TMEM87A: variants seen among roughly 807,000 people sequenced by gnomAD.
TMEM87A encodes Golgi-pH regulating cation channel.
Under a neutral mutation model 90.0 loss-of-function variants are expected in TMEM87A, and 50 were observed. That is an observed-to-expected ratio of 0.56 (90% CI 0.44 to 0.70). The LOEUF (loss-of-function observed/expected upper bound fraction) is 0.70. Ranked by LOEUF, TMEM87A falls within the 30% of genes least tolerant of loss-of-function variation. The probability of loss-of-function intolerance (pLI) is 0.00; values close to 1 mark genes in which losing one functional copy is unlikely to be tolerated. For synonymous variants in TMEM87A, 226 were observed against 226.7 expected, an observed-to-expected ratio of 1.00 and a Z score of 0.03; for missense variants, 577 against 660.5, an observed-to-expected ratio of 0.87 and a Z score of 1.39.
In TMEM87A at chr15:42,237,737, A is replaced by G. The variant is rs183487021; in HGVS notation, c.685-122T>C. ...GAGATGGGGATTTGCTATGTTGCCT[A>G]GGATGGTCTTGAACTTCTGGACTCA... On this transcript the variant is annotated intron_variant, in intron 8 of 19. Coordinates refer to ENST00000389834, the MANE Select transcript of TMEM87A (RefSeq NM_015497.5). The G allele has an allele frequency of 3.8e-4, 326 of 860,024 alleles. 3 individuals carry two copies. In the East Asian group the frequency reaches 9.6e-3, roughly 25 times the overall value. The allele number at this position is 860,024 out of a possible 1,614,324, so 53.3% of individuals were successfully genotyped here. A position where few individuals can be genotyped will look rare whatever the true frequency, so the allele number is the denominator to read the frequency against.
intron 19 of TMEM87A, among the ~76,000 whole-genome samples, chr15:42,214,415 G>C (rs1027351383): frequency 1.3e-5 from 2 of 152,184 alleles, no homozygotes; most frequent in African/African-American, 4.8e-5. Flanking sequence ...CTGATGAGCA[G>C]ACGCAAAAAT....
At chr15:42,236,520 T>C (rs567896092) in intron 9 of TMEM87A, 101 bp from the exon 10 acceptor site, 21 of 938,606 alleles carry the variant, frequency 2.2e-5, no homozygotes, top group African/African-American at 8.1e-5. Flanking sequence ...AGAATAAGCA[T>C]TGATATTAGT....
chr15:42,214,721 A>G (rs1351855934), intron 19 of TMEM87A, among the ~76,000 whole-genome samples: 1 of 152,258 alleles, frequency 6.6e-6, no homozygotes, highest in Non-Finnish European at 1.5e-5. Flanking sequence ...TTAAAGAATT[A>G]GACATAAGAT....
rs573228787 is a variant in TMEM87A, at chr15:42,247,861, A to C, written c.505-3694T>G. Among the ~76,000 whole-genome samples, 81 of 152,294 alleles carry C rather than the reference A, an allele frequency of 5.3e-4. 1 individual carries two copies. Among genetic ancestry groups the C allele is most frequent in the Non-Finnish European group, 1.0e-3 (71 of 68,024 alleles). On this transcript the variant is annotated intron_variant, in intron 6 of 19. Transcript: ENST00000389834. ...GCTTGATGGGGATGGCATTGAATCT[A>C]TAAATTACCTTGGGCAGTATGGCCA...
chr15:42,265,731 T>C (rs1263420014), intron 3 of TMEM87A, among the ~76,000 whole-genome samples: 3 of 152,252 alleles, frequency 2.0e-5, no homozygotes, highest in African/African-American at 7.2e-5. Context: ...TTTTTGCTTT[T>C]GTTGCAATTG....
intron 8 of TMEM87A, among the ~76,000 whole-genome samples, chr15:42,239,394 C>T (rs1207244546): frequency 1.3e-5 from 2 of 152,094 alleles, no homozygotes; most frequent in East Asian, 1.9e-4. Context: ...GTAAAAAGTG[C>T]CCCACTATGC....
chr15:42,252,639 C>T (rs2140966059), intron 6 of TMEM87A, among the ~76,000 whole-genome samples: 1 of 152,222 alleles, frequency 6.6e-6, no homozygotes, highest in South Asian at 2.1e-4. Context: ...ATAGGTCTCT[C>T]AGGCTCATCT....
At chr15:42,236,542 A>G in intron 9 of TMEM87A, 123 bp from the exon 10 acceptor site, 1 of 756,722 alleles carries the variant, frequency 1.3e-6, no homozygotes, top group Non-Finnish European at 2.2e-6. Context: ...CTGCTAAAAT[A>G]GAATACCTCT....
Position 42,228,780 on chromosome 15 carries a change from A to C in TMEM87A, c.1172T>G (p.Leu391Arg). 1 of 1,606,414 alleles carries C rather than the reference A, an allele frequency of 6.2e-7. No homozygotes were observed. Among genetic ancestry groups the C allele is most frequent in the Non-Finnish European group, 8.5e-7 (1 of 1,177,748 alleles). The change falls in exon 13 of 20, where the codon CTT (leucine) becomes CGT (arginine). Residue 391 changes from leucine to arginine, a missense_variant. Transcript: ENST00000389834. Reference sequence around the variant, plus strand: ...AGAGAGTTTTACAATGTTCCTCCGAAGTTTTAATAGCTTCATTGTTTGAGT... The same window carrying C: ...AGAGAGTTTTACAATGTTCCTCCGACGTTTTAATAGCTTCATTGTTTGAGT... ...SLTQTMKLLK[L>R]RRNIVKLSLY... is the part of the protein sequence containing the mutation.
At chr15:42,226,579 C>A (rs936653849) in intron 15 of TMEM87A, 3 of 451,616 alleles carry the variant, frequency 6.6e-6, no homozygotes, top group Non-Finnish European at 1.2e-5. Flanking sequence ...GGTTTAATTC[C>A]CCCTCAGTAT....
rs576052307 is a variant in TMEM87A at position 42,250,570 on chromosome 15, T to C, written c.505-6403A>G. The stretch of plus-strand genomic sequence containing the variant: ...ATGAAATTCTGGATTGAAAATTATT[T>C]AAGAATGTTGAATATTGGCCCCCAC... On this transcript the variant is annotated intron_variant, in intron 6 of 19. Transcript: ENST00000389834. 3.9e-5 allele frequency among the ~76,000 whole-genome samples: 6 copies of C among 152,348 alleles called. No individual in the cohort carries two copies. The South Asian group carries it at 1.2e-3, about 32-fold the overall frequency.
At chr15:42,237,314 T>C (rs1198946819) in intron 9 of TMEM87A, 118 bp downstream of exon 9, 31 of 943,774 alleles carry the variant, frequency 3.3e-5, no homozygotes, top group South Asian at 1.3e-4. Context: ...GCTTAAGATA[T>C]TGTAATAATT....
Position 42,220,136 on chromosome 15 carries a change from C to A in TMEM87A, c.1404-1G>T. 6.2e-7 allele frequency: 1 copy of A among 1,601,026 alleles called. No homozygotes were observed. The highest frequency in any genetic ancestry group is 1.8e-5 in the Admixed American group (1 of 56,688). The stretch of plus-strand genomic sequence containing the variant: ...CTCAGACAATGGTGAAAAGGCAAAC[C>A]TAACAGAACCAAAGTGAACAGAAGG... On this transcript the variant is annotated splice_acceptor_variant, in intron 15 of 19. Coordinates refer to ENST00000389834, the MANE Select transcript of TMEM87A (RefSeq NM_015497.5). LOFTEE classifies it high-confidence loss of function.
At chr15:42,270,263 G>A (rs1051817829) in intron 2 of TMEM87A, among the ~76,000 whole-genome samples, 6 of 152,012 alleles carry the variant, frequency 3.9e-5, no homozygotes, top group East Asian at 1.9e-4. Context: ...CCAGCTACTC[G>A]GGAGGCTGAG....
chr15:42,255,351 T>G (rs956129284), intron 6 of TMEM87A, among the ~76,000 whole-genome samples: 1 of 152,140 alleles, frequency 6.6e-6, no homozygotes, highest in Non-Finnish European at 1.5e-5. Flanking sequence ...AGGTTGGTCT[T>G]GAACTCGTGA....
At chr15:42,229,244 T>C (rs2050647408) in intron 12 of TMEM87A, among the ~76,000 whole-genome samples, 1 of 151,990 alleles carries the variant, frequency 6.6e-6, no homozygotes, top group Admixed American at 6.6e-5. Flanking sequence ...CCTCAACTGA[T>C]CCTCCTGCCT....
chr15:42,223,313 A>G lies in TMEM87A; in HGVS notation c.1404-3178T>C, dbSNP rs539348814. The stretch of plus-strand genomic sequence containing the variant: ...GAGGCTGAGGTGGGAGGATCATTTG[A>G]GCCCAGGAGGTGGAGGTTGTAGTGG... On this transcript the variant is annotated intron_variant, in intron 15 of 19. Coordinates refer to ENST00000389834, the MANE Select transcript of TMEM87A (RefSeq NM_015497.5). Among the ~76,000 whole-genome samples the G allele has an allele frequency of 2.0e-5, 3 of 152,266 alleles. No individual in the cohort carries two copies. The East Asian group carries it at 5.8e-4, about 29-fold the overall frequency.
intron 3 of TMEM87A, among the ~76,000 whole-genome samples, chr15:42,265,265 G>A (rs2051380256): frequency 6.6e-6 from 1 of 152,146 alleles, no homozygotes; most frequent in Non-Finnish European, 1.5e-5. Flanking sequence ...TCTGTTTTTA[G>A]CTCTTTGAGG....
In TMEM87A at chr15:42,237,414, G is replaced by GT; in HGVS notation, c.868+17_868+18insA. The GT allele has an allele frequency of 6.2e-7, 1 of 1,611,854 alleles. No individual in the cohort carries two copies. The highest frequency in any genetic ancestry group is 8.5e-7 in the Non-Finnish European group (1 of 1,178,478). On this transcript the variant is annotated intron_variant, in intron 9 of 19. Transcript: ENST00000389834. ...CCTTCCAACCACTCGAACTGGCAAAGATTTTCTGGTTACTTACCAGATTCT... is the reference window on the plus strand; with the variant it reads ...CCTTCCAACCACTCGAACTGGCAAAGTATTTTCTGGTTACTTACCAGATTCT...
Sources: allele counts gnomAD v4.1 joint callset (sites outside exome capture counted in the v4.1 genomes callset), GRCh38; gene constraint gnomAD v4.1.1; transcripts MANE v1.5; gene names NCBI Gene and HGNC (gene_info 2026-07-23, HGNC 2026-07-21).